The following LHCGR variants were observed in gnomAD, a reference collection of about 807,000 sequenced individuals.
LHCGR encodes luteinizing hormone/choriogonadotropin receptor, also known as lutropin-choriogonadotropic hormone receptor.
A neutral mutation model predicts 60.7 loss-of-function variants in LHCGR; 55 were observed. The ratio of observed to expected loss-of-function variants is 0.91; its 90% CI spans 0.73 to 1.13. LHCGR has a LOEUF of 1.13. Ranked by LOEUF, LHCGR falls within the 50% of genes most tolerant of loss-of-function variation. LHCGR has a pLI of 0.00. For synonymous variants in LHCGR, 337 were observed against 316.5 expected, an observed-to-expected ratio of 1.06 and a Z score of -0.69; for missense variants, 862 against 836.0, an observed-to-expected ratio of 1.03 and a Z score of -0.38.
chr2:48,725,344 C>G (rs1409162607), intron 4 of LHCGR, among the ~76,000 whole-genome samples: 1 of 152,202 alleles, frequency 6.6e-6, no homozygotes, highest in Non-Finnish European at 1.5e-5. Flanking sequence ...TCTCTATTCA[C>G]TTCAGAGATT....
intron 1 of LHCGR, among the ~76,000 whole-genome samples, chr2:48,734,058 C>T (rs1279617567): frequency 1.3e-5 from 2 of 152,110 alleles, no homozygotes; most frequent in African/African-American, 2.4e-5. Context: ...GAATCTTGTA[C>T]AAACGTTTTC....
intron 1 of LHCGR, among the ~76,000 whole-genome samples, chr2:48,751,330 C>A (rs895839172): frequency 6.6e-6 from 1 of 151,960 alleles, no homozygotes; most frequent in Non-Finnish European, 1.5e-5. Flanking sequence ...AGAAATATTT[C>A]CCCCCCAGCC....
intron 4 of LHCGR, among the ~76,000 whole-genome samples, chr2:48,724,347 G>A (rs1018818408): frequency 6.6e-6 from 1 of 152,192 alleles, no homozygotes; most frequent in Admixed American, 6.5e-5. Flanking sequence ...TTTATTACAA[G>A]AATGGGGCTC....
intron 1 of LHCGR, among the ~76,000 whole-genome samples, chr2:48,738,191 C>G (rs1380475426): frequency 6.6e-6 from 1 of 152,156 alleles, no homozygotes; most frequent in Non-Finnish European, 1.5e-5. Context: ...TGTTTTTTCT[C>G]TTCCTCTATC....
intron 1 of LHCGR, among the ~76,000 whole-genome samples, chr2:48,742,001 A>G (rs1299090983): frequency 6.6e-6 from 1 of 152,202 alleles, no homozygotes; most frequent in African/African-American, 2.4e-5. Flanking sequence ...AGGAAGATCT[A>G]CCAAGCCAAT....
At chr2:48,727,650 T>C (rs186968367) in intron 3 of LHCGR, among the ~76,000 whole-genome samples, 7 of 152,374 alleles carry the variant, frequency 4.6e-5, no homozygotes, top group African/African-American at 1.4e-4. Context: ...GTAATTGTAA[T>C]GAGCCCAATG....
chr2:48,731,366 A>G (rs1668979076), intron 1 of LHCGR, 68 bp from the exon 2 acceptor site: 1 of 1,063,776 alleles, frequency 9.4e-7, no homozygotes, highest in East Asian at 2.4e-5. Flanking sequence ...GTTCATGAAT[A>G]AAATGGGTAT....
intron 7 of LHCGR, among the ~76,000 whole-genome samples, chr2:48,711,511 G>A (rs1667987858): frequency 6.6e-6 from 1 of 152,152 alleles, no homozygotes; most frequent in Non-Finnish European, 1.5e-5. Context: ...GTGAGATACA[G>A]GGTATACAGG....
At chr2:48,728,689 A>G (rs539068836) in intron 3 of LHCGR, among the ~76,000 whole-genome samples, 1 of 152,288 alleles carries the variant, frequency 6.6e-6, no homozygotes, top group East Asian at 1.9e-4. Context: ...CACAATAACA[A>G]CAACAAAACC....
intron 1 of LHCGR, among the ~76,000 whole-genome samples, chr2:48,732,576 C>A (rs1289116625): frequency 1.3e-5 from 2 of 152,100 alleles, no homozygotes; most frequent in East Asian, 3.9e-4. Context: ...GACTAAGTAA[C>A]CTGAACAAGG....
chr2:48,750,103 G>A (rs1669895095), intron 1 of LHCGR, among the ~76,000 whole-genome samples: 1 of 152,174 alleles, frequency 6.6e-6, no homozygotes, highest in African/African-American at 2.4e-5. Context: ...AGGCTAGGGA[G>A]GTGGGACATA....
intron 1 of LHCGR, among the ~76,000 whole-genome samples, chr2:48,732,403 G>A (rs1266415882): frequency 1.3e-5 from 2 of 152,104 alleles, no homozygotes; most frequent in Non-Finnish European, 2.9e-5. Flanking sequence ...CTCCATGATG[G>A]GCAGATGAAA....
At chr2:48,740,035 C>A (rs918886470) in intron 1 of LHCGR, among the ~76,000 whole-genome samples, 33 of 152,156 alleles carry the variant, frequency 2.2e-4, no homozygotes, top group Admixed American at 2.2e-3. Flanking sequence ...TCGGGAAGCG[C>A]GAGGGGTCAG....
At chr2:48,693,465 C>T (rs940421948) in intron 10 of LHCGR, among the ~76,000 whole-genome samples, 15 of 152,180 alleles carry the variant, frequency 9.9e-5, no homozygotes, top group Non-Finnish European at 2.1e-4. Flanking sequence ...CCTGAAGCAT[C>T]TGTCTAACTT....
chr2:48,744,888 T>C (rs1669627191), intron 1 of LHCGR, among the ~76,000 whole-genome samples: 1 of 151,928 alleles, frequency 6.6e-6, no homozygotes, highest in Admixed American at 6.6e-5. Flanking sequence ...CAAAAGAAAC[T>C]ACCATCAGAG....
At chr2:48,751,385 A>G (rs1475756067) in intron 1 of LHCGR, among the ~76,000 whole-genome samples, 2 of 152,082 alleles carry the variant, frequency 1.3e-5, no homozygotes, top group East Asian at 1.9e-4. Context: ...TCAGCAACGA[A>G]TCTCTAGTTG....
intron 8 of LHCGR, among the ~76,000 whole-genome samples, chr2:48,701,093 A>G (rs752013291): frequency 2.0e-5 from 3 of 151,940 alleles, no homozygotes; most frequent in Non-Finnish European, 1.5e-5. Context: ...TCAAAAGTGG[A>G]TAGCAGGAAG....
In LHCGR at chr2:48,694,239, A is replaced by T; in HGVS notation, c.932T>A (p.Val311Glu). 6.3e-7 allele frequency: 1 copy of T among 1,582,352 alleles called. No individual in the cohort carries two copies. Among genetic ancestry groups the T allele is most frequent in the Non-Finnish European group, 8.7e-7 (1 of 1,154,040 alleles). Residue 311 changes from valine (V) to glutamate (E), a missense_variant, in exon 10 of 11, where the codon GTG becomes GAG. Val to Glu is a moderately radical substitution (Grantham distance 121). Coordinates refer to ENST00000294954, the MANE Select transcript of LHCGR (RefSeq NM_000233.4). Reference protein sequence around the residue: ...SKQCESTVRKVNNKTLYSSML... With the variant: ...SKQCESTVRKENNKTLYSSML... ...AAATACTTACAGTGTTTTGTTATTC[A>T]CTTTCCTTACTGTGCTTTCACATTG...
At chr2:48,747,371 C>T (rs138147751) in intron 1 of LHCGR, among the ~76,000 whole-genome samples, 142 of 152,318 alleles carry the variant, frequency 9.3e-4, no homozygotes, top group African/African-American at 3.1e-3. Context: ...GGATTACAGG[C>T]GTGAGCCACT....
Sources: gnomAD v4.1 joint callset for allele counts (sites outside exome capture counted in the v4.1 genomes callset) on GRCh38, gnomAD v4.1.1 for gene constraint, MANE v1.5 for transcripts, NCBI Gene and HGNC (gene_info 2026-07-23, HGNC 2026-07-21) for gene names.